DACH2: variants seen among roughly 807,000 people sequenced by gnomAD.
DACH2 encodes dachshund homolog 2.
DACH2 carries 17 observed loss-of-function variants against 35.8 expected under a neutral mutation model. That is an observed-to-expected ratio of 0.48 (90% CI 0.33 to 0.71). DACH2 has a LOEUF of 0.71. Ranked by LOEUF, DACH2 falls within the 30% of genes least tolerant of loss-of-function variation. DACH2 has a pLI of 0.02. For missense variants in DACH2, 469 were observed against 472.7 expected, an observed-to-expected ratio of 0.99 and a Z score of 0.07; for synonymous variants, 195 against 177.3, an observed-to-expected ratio of 1.10 and a Z score of -0.79.
intron 1 of DACH2, among the ~76,000 whole-genome samples, chrX:86,339,537 A>G (rs2035377326): frequency 8.9e-6 from 1 of 111,838 alleles, no homozygotes; most frequent in Non-Finnish European, 1.9e-5. Flanking sequence ...CATCCATATG[A>G]AATAAGTACT....
chrX:86,444,729 A>G lies in DACH2; in HGVS notation c.527+67867A>G, dbSNP rs151045763. On this transcript the variant is annotated intron_variant, in intron 2 of 11. Transcript: ENST00000373125. Reference sequence around the variant, plus strand: ...TTTTGTTTACCTTTTCATAATACCAATTATACATTTTGTTGATCTTTTGTG... The same window carrying G: ...TTTTGTTTACCTTTTCATAATACCAGTTATACATTTTGTTGATCTTTTGTG... Among the ~76,000 whole-genome samples, 384 of 110,927 alleles carry G rather than the reference A, an allele frequency of 3.5e-3. 2 individuals are homozygous for G. The highest frequency in any genetic ancestry group is 5.4e-3 in the Non-Finnish European group (287 of 52,820).
At chrX:86,619,700 A>G (rs2040047160) in intron 3 of DACH2, among the ~76,000 whole-genome samples, 1 of 112,046 alleles carries the variant, frequency 8.9e-6, no homozygotes, top group African/African-American at 3.2e-5. Flanking sequence ...CAAACTGTGC[A>G]AGTGAATTGC....
At chrX:86,159,072 T>C (rs1186231125) in intron 1 of DACH2, among the ~76,000 whole-genome samples, 1 of 111,673 alleles carries the variant, frequency 9.0e-6, no homozygotes, top group Non-Finnish European at 1.9e-5. Flanking sequence ...ATTCATAAAG[T>C]TAATCAATCC....
At chrX:86,740,983 T>C (rs1009748728) in intron 7 of DACH2, among the ~76,000 whole-genome samples, 1 of 111,482 alleles carries the variant, frequency 9.0e-6, no homozygotes, top group African/African-American at 3.3e-5. Flanking sequence ...TACCGATCAA[T>C]TGAGCTAGGT....
intron 7 of DACH2, among the ~76,000 whole-genome samples, chrX:86,751,147 T>C: frequency 9.0e-6 from 1 of 110,687 alleles, no homozygotes; most frequent in East Asian, 2.8e-4. Flanking sequence ...CAAAACCTGA[T>C]ACCAAAACCT....
chrX:86,689,339 G>A (rs1278259015), intron 4 of DACH2, among the ~76,000 whole-genome samples: 4 of 110,886 alleles, frequency 3.6e-5, no homozygotes, highest in East Asian at 2.8e-4. Flanking sequence ...TACATGCCTC[G>A]TTTTCCATTC....
chrX:86,556,663 A>C (rs1260936560), intron 3 of DACH2, among the ~76,000 whole-genome samples: 13 of 103,876 alleles, frequency 1.3e-4, no homozygotes, highest in Non-Finnish European at 2.5e-4. Context: ...GATGGGAATG[A>C]TAGTCTCTGC....
At chrX:86,784,219 G>A in intron 7 of DACH2, among the ~76,000 whole-genome samples, 1 of 109,309 alleles carries the variant, frequency 9.1e-6, no homozygotes, top group Non-Finnish European at 1.9e-5. Flanking sequence ...TATTTGCAAA[G>A]TATGCATCTG....
intron 3 of DACH2, among the ~76,000 whole-genome samples, chrX:86,578,329 T>G (rs993535313): frequency 8.4e-5 from 4 of 47,678 alleles, no homozygotes; most frequent in Non-Finnish European, 1.3e-4. Flanking sequence ...AAAAATAGGT[T>G]TTTTTTTTTT....
intron 7 of DACH2, among the ~76,000 whole-genome samples, chrX:86,789,837 T>C (rs2042171357): frequency 8.9e-6 from 1 of 111,902 alleles, no homozygotes; most frequent in Non-Finnish European, 1.9e-5. Context: ...CCAAAAGGAC[T>C]CATAAAACTA....
At chrX:86,548,956 AT>A (rs767545619) in intron 3 of DACH2, among the ~76,000 whole-genome samples, 3 of 112,017 alleles carry the variant, frequency 2.7e-5, no homozygotes, top group African/African-American at 9.7e-5. Flanking sequence ...GACAGGGAGC[AT>A]TTTTTGAGTG....
intron 3 of DACH2, among the ~76,000 whole-genome samples, chrX:86,587,040 C>T (rs1198126936): frequency 8.9e-6 from 1 of 112,025 alleles, no homozygotes; most frequent in Admixed American, 9.5e-5. Flanking sequence ...TCTTCCTATT[C>T]ATGAGCATGG....
intron 1 of DACH2, among the ~76,000 whole-genome samples, chrX:86,336,327 C>A (rs1338173653): frequency 8.9e-6 from 1 of 111,887 alleles, no homozygotes. Flanking sequence ...AGAATGGTAC[C>A]AGCTCCTCTT....
chrX:86,296,697 A>T (rs983691005), intron 1 of DACH2, among the ~76,000 whole-genome samples: 8 of 111,506 alleles, frequency 7.2e-5, no homozygotes, highest in Non-Finnish European at 1.1e-4. Flanking sequence ...GTACACATAC[A>T]TATCACTTTG....
chrX:86,758,251 A>AT (rs1397901226), intron 7 of DACH2, among the ~76,000 whole-genome samples: 4 of 110,413 alleles, frequency 3.6e-5, no homozygotes, highest in South Asian at 3.8e-4. Context: ...GTTCTTTGCT[A>AT]TTTTTTTCTG....
intron 1 of DACH2, among the ~76,000 whole-genome samples, chrX:86,291,563 G>A (rs1397718382): frequency 9.2e-6 from 1 of 108,383 alleles, no homozygotes; most frequent in Non-Finnish European, 1.9e-5. Flanking sequence ...CTGTGGGTTT[G>A]TCATAGATAG....
intron 3 of DACH2, among the ~76,000 whole-genome samples, chrX:86,531,603 G>T (rs188024391): frequency 9.9e-4 from 112 of 112,738 alleles, no homozygotes; most frequent in African/African-American, 3.3e-3. Flanking sequence ...CAGAACTTCT[G>T]CCTAGATTTC....
At chrX:86,744,720 T>C (rs1001763212) in intron 7 of DACH2, among the ~76,000 whole-genome samples, 7 of 111,834 alleles carry the variant, frequency 6.3e-5, no homozygotes, top group African/African-American at 2.3e-4. Context: ...CTATGCCTAA[T>C]ATTGTGATTT....
chrX:86,324,831 A>G (rs2035083892), intron 1 of DACH2, among the ~76,000 whole-genome samples: 1 of 109,024 alleles, frequency 9.2e-6, no homozygotes, highest in African/African-American at 3.3e-5. Context: ...CTGTTGTCTT[A>G]TTTTAAGAAA....
Sources: allele counts gnomAD v4.1 joint callset (sites outside exome capture counted in the v4.1 genomes callset), GRCh38; gene constraint gnomAD v4.1.1; transcripts MANE v1.5; gene names NCBI Gene and HGNC (gene_info 2026-07-23, HGNC 2026-07-21).